Variants in AIMP1 observed in about 807,000 individuals in gnomAD.
AIMP1 encodes the protein aminoacyl tRNA synthetase complex interacting multifunctional protein 1.
AIMP1 carries 24 observed loss-of-function variants against 33.1 expected under a neutral mutation model. That is an observed-to-expected ratio of 0.73 (90% CI 0.53 to 1.02). The LOEUF is 1.02. AIMP1 is among the 50% of genes least tolerant of loss of function. AIMP1 has a pLI of 0.00. For missense variants in AIMP1, 367 were observed against 364.8 expected (o/e 1.01, Z -0.05); for synonymous variants, 120 against 121.5 (o/e 0.99, Z 0.08).
At chr4:106,340,914 C>T (rs1453424711) in intron 6 of AIMP1, among the ~76,000 whole-genome samples, 2 of 152,094 alleles carry the variant, frequency 1.3e-5, no homozygotes, top group South Asian at 2.1e-4. Flanking sequence ...TTCTCTTCCA[C>T]CTCACCAACA....
chr4:106,347,554 G>A lies in AIMP1; in HGVS notation c.801G>A (p.Lys267=), dbSNP rs1337397069. The A allele has an allele frequency of 1.2e-6, 2 of 1,613,188 alleles. No individual in the cohort carries two copies. Among genetic ancestry groups the A allele is most frequent in the East Asian group, 4.5e-5 (2 of 44,796 alleles). Residue 267 remains lysine, a synonymous_variant, in exon 7 of 7, where the codon AAG becomes AAA. Coordinates refer to ENST00000672341, the MANE Select transcript of AIMP1 (RefSeq NM_001142416.2). The part of the protein sequence containing the change: ...PGEPDKELNP[K]KKIWEQIQPD... ...AGCCTGACAAGGAGCTGAATCCTAA[G>A]AAGAAGATTTGGGAGCAGATCCAGC... is the stretch of plus-strand genomic sequence containing the variant.
chr4:106,320,713 G>A (rs1450970988), intron 1 of AIMP1, among the ~76,000 whole-genome samples: 3 of 151,910 alleles, frequency 2.0e-5, no homozygotes, highest in Non-Finnish European at 2.9e-5. Flanking sequence ...GGTGAAATCA[G>A]GTACAAGTAA....
chr4:106,332,573 T>A (rs901518526), intron 5 of AIMP1, among the ~76,000 whole-genome samples: 1 of 150,340 alleles, frequency 6.7e-6, no homozygotes, highest in South Asian at 2.1e-4. Flanking sequence ...AGATGACGTT[T>A]AGGAAAGTTA....
chr4:106,332,827 A>G (rs746446567), intron 5 of AIMP1, among the ~76,000 whole-genome samples: 88 of 152,032 alleles, frequency 5.8e-4, no homozygotes, highest in Non-Finnish European at 1.1e-3. Flanking sequence ...TACAGGTGCT[A>G]TGTAGTTTTT....
At chr4:106,316,502 A>G, upstream of AIMP1, 2 of 1,539,890 alleles carry the variant, frequency 1.3e-6, no homozygotes, top group Non-Finnish European at 1.8e-6. Flanking sequence ...AGGACACCTC[A>G]TTGGGTCCTT....
In AIMP1 at chr4:106,331,840, G is replaced by A. The variant is rs1009406376; in HGVS notation, c.560G>A (p.Arg187Lys). The change falls in exon 5 of 7, where the codon AGG becomes AAG. Residue 187 changes from arginine (R) to lysine (K), a missense_variant. Arg to Lys is a conservative substitution (Grantham distance 26). Transcript: ENST00000672341. ...GTAGATGTCGGAGAAATAGCCCCAA[G>A]GACAGTTGTCAGTGGCCTGGTGAAT... ...EEVDVGEIAP[R>K]TVVSGLVNHV... is the part of the protein sequence containing the mutation. 2 of 1,613,966 alleles carry A rather than the reference G, an allele frequency of 1.2e-6. No individual in the cohort carries two copies. Among genetic ancestry groups the A allele is most frequent in the Non-Finnish European group, 1.7e-6 (2 of 1,179,976 alleles).
At chr4:106,322,787 G>A (rs190983198) in intron 1 of AIMP1, among the ~76,000 whole-genome samples, 1 of 152,002 alleles carries the variant, frequency 6.6e-6, no homozygotes, top group Non-Finnish European at 1.5e-5. Flanking sequence ...TCAGGATTTC[G>A]AGACCAGCCT....
chr4:106,331,978 A>G, intron 5 of AIMP1, 95 bp downstream of exon 5: 3 of 1,182,920 alleles, frequency 2.5e-6, no homozygotes, highest in South Asian at 2.5e-5. Flanking sequence ...ATACCATACA[A>G]CATGTGCCCT....
upstream of AIMP1, chr4:106,316,266 T>G: frequency 2.9e-6 from 1 of 348,788 alleles, no homozygotes; most frequent in Non-Finnish European, 5.3e-6. Flanking sequence ...GACCCAACGC[T>G]GAGGAAAGAC....
chr4:106,345,585 T>C (rs980677267), intron 6 of AIMP1, among the ~76,000 whole-genome samples: 18 of 152,072 alleles, frequency 1.2e-4, no homozygotes, highest in Admixed American at 3.3e-4. Flanking sequence ...GAAATTCTTA[T>C]TTTTTATACC....
At chr4:106,339,031 A>G (rs142061752) in intron 6 of AIMP1, among the ~76,000 whole-genome samples, 55 of 152,250 alleles carry the variant, frequency 3.6e-4, no homozygotes, top group Non-Finnish European at 5.9e-4. Flanking sequence ...TTTTGGTCCA[A>G]TTTCTCCCAT....
intron 5 of AIMP1, among the ~76,000 whole-genome samples, 186 bp from the exon 6 acceptor site, chr4:106,336,682 AT>A (rs955764364): frequency 5.3e-5 from 8 of 151,660 alleles, no homozygotes; most frequent in African/African-American, 1.7e-4. Context: ...ATTTGGAGGA[AT>A]TTTTTTTTCA....
At chr4:106,344,846 C>A (rs1770236096) in intron 6 of AIMP1, among the ~76,000 whole-genome samples, 1 of 152,126 alleles carries the variant, frequency 6.6e-6, no homozygotes, top group African/African-American at 2.4e-5. Context: ...GCTTTTTCAT[C>A]TATAAGAAGG....
intron 3 of AIMP1, 75 bp from the exon 4 acceptor site, chr4:106,328,001 G>C: frequency 6.4e-7 from 1 of 1,572,360 alleles, no homozygotes; most frequent in Non-Finnish European, 8.7e-7. Context: ...GTTCCCATTT[G>C]TGGTTCACAA....
At chr4:106,338,688 A>G (rs934618333) in intron 6 of AIMP1, among the ~76,000 whole-genome samples, 2 of 152,180 alleles carry the variant, frequency 1.3e-5, no homozygotes, top group African/African-American at 4.8e-5. Context: ...GGACCCCCCC[A>G]CACACAGAAT....
intron 6 of AIMP1, among the ~76,000 whole-genome samples, chr4:106,343,217 G>A (rs1156333005): frequency 6.6e-6 from 1 of 152,114 alleles, no homozygotes; most frequent in African/African-American, 2.4e-5. Flanking sequence ...GCAAAGAGAT[G>A]TTTTTAATAG....
Position 106,331,785 on chromosome 4 carries a change from C to T in AIMP1, c.505C>T (p.Pro169Ser). Residue 169 changes from proline (P) to serine (S), a missense_variant, in exon 5 of 7, where the codon CCT becomes TCT. Pro to Ser is a moderately conservative substitution (Grantham distance 74, BLOSUM62 -1). Transcript: ENST00000672341. ...IGCIITARKHPDADSLYVEEV... is the reference protein window; with the variant it reads ...IGCIITARKHSDADSLYVEEV... Reference sequence around the variant, plus strand: ...TTGCATCATAACTGCTAGAAAACACCCTGATGCAGATTCTTTGTATGTGGA... The same window carrying T: ...TTGCATCATAACTGCTAGAAAACACTCTGATGCAGATTCTTTGTATGTGGA... 1 of 1,613,994 alleles carries T rather than the reference C, an allele frequency of 6.2e-7. No individual in the cohort carries two copies. Among genetic ancestry groups the T allele is most frequent in the Non-Finnish European group, 8.5e-7 (1 of 1,179,962 alleles).
chr4:106,323,604 G>GT (rs1002332145), intron 1 of AIMP1, among the ~76,000 whole-genome samples: 8 of 133,912 alleles, frequency 6.0e-5, no homozygotes, highest in Non-Finnish European at 1.1e-4. Context: ...GAAAGTTAAA[G>GT]TAAAAAAAAA....
At chr4:106,320,668 AAGG>A (rs1769179709) in intron 1 of AIMP1, among the ~76,000 whole-genome samples, 1 of 152,126 alleles carries the variant, frequency 6.6e-6, no homozygotes. Context: ...TTAAAAAAAA[AAGG>A]AGCCCTGAAA....
Sources: gnomAD v4.1 joint callset for allele counts (sites outside exome capture counted in the v4.1 genomes callset) on GRCh38, gnomAD v4.1.1 for gene constraint, MANE v1.5 for transcripts, NCBI Gene and HGNC (gene_info 2026-07-23, HGNC 2026-07-21) for gene names.